The following GUSB variants were observed in gnomAD, a reference collection of about 807,000 sequenced individuals.
GUSB encodes the protein beta-glucuronidase.
A neutral mutation model predicts 74.6 loss-of-function variants in GUSB; 51 were observed. That is an observed-to-expected ratio of 0.68 (90% CI 0.55 to 0.86). The LOEUF (loss-of-function observed/expected upper bound fraction) is 0.86. GUSB is among the 40% of genes least tolerant of loss of function. The pLI is 0.00. For missense variants in GUSB, 736 were observed against 853.7 expected (o/e 0.86, Z 1.72); for synonymous variants, 360 against 348.3 (o/e 1.03, Z -0.37).
intron 10 of GUSB, among the ~76,000 whole-genome samples, chr7:65,967,221 G>A (rs935586981): frequency 2.0e-5 from 3 of 152,154 alleles, no homozygotes; most frequent in Non-Finnish European, 4.4e-5. Context: ...CACTTTGGGA[G>A]CCTGAGGCAG....
chr7:65,981,896 A>C, intron 1 of GUSB, 78 bp downstream of exon 1: 1 of 1,273,144 alleles, frequency 7.9e-7, no homozygotes, highest in Non-Finnish European at 1.1e-6. Flanking sequence ...CAGGGGAAGA[A>C]GTCTGCGGGG....
chr7:65,964,702 A>C (rs1228606542), intron 10 of GUSB, among the ~76,000 whole-genome samples: 1 of 152,072 alleles, frequency 6.6e-6, no homozygotes, highest in Non-Finnish European at 1.5e-5. Context: ...ACGTAATTTG[A>C]CATTCGTTTC....
chr7:65,963,372 C>T (rs2115826861), intron 11 of GUSB, among the ~76,000 whole-genome samples: 1 of 152,234 alleles, frequency 6.6e-6, no homozygotes, highest in Middle Eastern at 3.4e-3. Flanking sequence ...CTGTCTTTCC[C>T]TGTAAGTAAT....
At chr7:65,966,895 A>C (rs1195259225) in intron 10 of GUSB, among the ~76,000 whole-genome samples, 2 of 152,238 alleles carry the variant, frequency 1.3e-5, no homozygotes, top group African/African-American at 2.4e-5. Context: ...CAGCCTGGAC[A>C]ACATAGCAAG....
chr7:65,974,318 T>C lies in GUSB; in HGVS notation c.1368A>G (p.Leu456=). 1 of 1,614,002 alleles carries C rather than the reference T, an allele frequency of 6.2e-7. No homozygotes were observed. Among genetic ancestry groups the C allele is most frequent in the Non-Finnish European group, 8.5e-7 (1 of 1,179,998 alleles). Residue 456 remains leucine (L), a synonymous_variant, in exon 8 of 12, where the codon CTA becomes CTG. Coordinates refer to ENST00000304895, the MANE Select transcript of GUSB (RefSeq NM_000181.4). ...ACTTCAAGTAGTAGCCAGCAGATTC[T>C]AGGTGGGACGCAGGCTCGTTGGCCA... The part of the protein sequence containing the change: ...WSVANEPASH[L]ESAGYYLKMV...
At chr7:65,970,477 C>A (rs1186351312) in intron 8 of GUSB, 111 bp from the exon 9 acceptor site, 6 of 705,646 alleles carry the variant, frequency 8.5e-6, no homozygotes, top group East Asian at 5.6e-5. Flanking sequence ...CGGGGCCAGG[C>A]ACGATGGTTC....
At chr7:65,964,650 A>T (rs928776003) in intron 10 of GUSB, among the ~76,000 whole-genome samples, 192 bp from the exon 11 acceptor site, 7 of 146,704 alleles carry the variant, frequency 4.8e-5, no homozygotes, top group African/African-American at 1.7e-4. Flanking sequence ...AAGGAGGTTT[A>T]AAAAAAAAAA....
rs557347113 is a variant in GUSB at position 65,975,717 on chromosome 7, G to A, written c.912+298C>T. ...TTTTTTTTATTTAGCCAGACATGGTGGCATGTGCCTGTAGTCCCAGCTACT... is the reference window on the plus strand; with the variant it reads ...TTTTTTTTATTTAGCCAGACATGGTAGCATGTGCCTGTAGTCCCAGCTACT... On this transcript the variant is annotated intron_variant, in intron 5 of 11. Coordinates refer to ENST00000304895, the MANE Select transcript of GUSB (RefSeq NM_000181.4). 12 of 299,448 alleles carry A rather than the reference G, an allele frequency of 4.0e-5. No individual in the cohort carries two copies. In the East Asian group the frequency reaches 8.5e-4, roughly 21 times the overall value. 18.5% of individuals were successfully genotyped at this position (299,448 alleles called of 1,614,324 possible).
intron 10 of GUSB, 28 bp from the exon 11 acceptor site, chr7:65,964,486 G>A (rs1275514147): frequency 6.2e-7 from 1 of 1,606,164 alleles, no homozygotes; most frequent in Admixed American, 1.7e-5. Context: ...GAGAATGTAA[G>A]AGTCAGAACT....
At position 65,961,056 on chromosome 7, in the gene GUSB, C is replaced by T. The variant is rs552724524; in HGVS notation, c.1797G>A (p.Thr599=). The T allele has an allele frequency of 8.1e-6, 13 of 1,611,100 alleles. No individual in the cohort carries two copies. Among genetic ancestry groups the T allele is most frequent in the South Asian group, 6.6e-5 (6 of 90,988 alleles). ...TCCCCTTTTTATTCCCCAGCACTCTCGTCGGTGCTACAAAAAAAAAAAAAA... is the reference window on the plus strand; with the variant it reads ...TCCCCTTTTTATTCCCCAGCACTCTTGTCGGTGCTACAAAAAAAAAAAAAA... ...FADFMTEQSP[T]RVLGNKKGIF... is the part of the protein sequence containing the mutation. Residue 599 remains threonine, a synonymous_variant, in exon 12 of 12, where the codon ACG becomes ACA. Transcript: ENST00000304895.
intron 1 of GUSB, among the ~76,000 whole-genome samples, chr7:65,981,123 AGC>A (rs1318733664): frequency 1.3e-5 from 2 of 151,692 alleles, no homozygotes; most frequent in African/African-American, 4.8e-5. Flanking sequence ...GCCAGTAATC[AGC>A]GCTTTGGGAG....
At chr7:65,967,285 T>A (rs771725934) in intron 10 of GUSB, among the ~76,000 whole-genome samples, 9 of 151,944 alleles carry the variant, frequency 5.9e-5, no homozygotes, top group Admixed American at 2.0e-4. Flanking sequence ...CAAGACCCCA[T>A]CTCTACAAAA....
chr7:65,961,556 T>A (rs1017499610), intron 11 of GUSB, among the ~76,000 whole-genome samples: 16 of 152,130 alleles, frequency 1.1e-4, no homozygotes, highest in African/African-American at 3.9e-4. Context: ...TCTAGTTTTC[T>A]AGTCTGTTAG....
intron 2 of GUSB, 45 bp from the exon 3 acceptor site, chr7:65,979,956 T>C (rs764533508): frequency 6.1e-6 from 9 of 1,479,336 alleles, no homozygotes; most frequent in Non-Finnish European, 8.3e-6. Flanking sequence ...GGTCAGGGCA[T>C]GAGGAGGCGC....
At chr7:65,980,099 C>A in intron 2 of GUSB, 125 bp downstream of exon 2, 1 of 1,036,212 alleles carries the variant, frequency 9.7e-7, no homozygotes, top group Non-Finnish European at 1.5e-6. Context: ...GCCCCCAGGG[C>A]AGGGCAGGGC....
At chr7:65,961,292 T>A (rs1280187946) in intron 11 of GUSB, among the ~76,000 whole-genome samples, 2 of 151,888 alleles carry the variant, frequency 1.3e-5, no homozygotes, top group Non-Finnish European at 2.9e-5. Flanking sequence ...CCATGCCCGG[T>A]AATCTTTTAT....
At chr7:65,970,194 T>C in intron 9 of GUSB, 88 bp downstream of exon 9, 1 of 806,872 alleles carries the variant, frequency 1.2e-6, no homozygotes, top group South Asian at 1.3e-5. Context: ...TGGCAGCGCA[T>C]GGTTCTTCCT....
rs1280356742 is a variant in GUSB, at chr7:65,980,347, A to C, written c.273T>G (p.Arg91=). Residue 91 remains arginine (R), a synonymous_variant, in exon 2 of 12, where the codon CGT becomes CGG. Transcript: ENST00000304895. ...SSFNDISQDW[R]LRHFVGWVWY... The stretch of plus-strand genomic sequence containing the variant: ...ACACCCAGCCGACAAAATGCCGCAG[A>C]CGCCAGTCCTGGCTGATGTCATTGA... The C allele has an allele frequency of 6.2e-7, 1 of 1,613,944 alleles. No homozygotes were observed. Among genetic ancestry groups the C allele is most frequent in the Non-Finnish European group, 8.5e-7 (1 of 1,179,944 alleles).
chr7:65,978,207 T>C (rs922290870), intron 4 of GUSB, among the ~76,000 whole-genome samples: 2 of 152,114 alleles, frequency 1.3e-5, no homozygotes, highest in African/African-American at 2.4e-5. Flanking sequence ...ATCCCAGCAT[T>C]TTGGGAGACT....
Sources: allele counts gnomAD v4.1 joint callset (sites outside exome capture counted in the v4.1 genomes callset), GRCh38; gene constraint gnomAD v4.1.1; transcripts MANE v1.5; gene names NCBI Gene and HGNC (gene_info 2026-07-23, HGNC 2026-07-21).